The following DLG2 variants were observed in gnomAD, a reference collection of about 807,000 sequenced individuals.
The protein encoded by DLG2 is discs large MAGUK scaffold protein 2, also known as disks large homolog 2.
DLG2 carries 45 observed loss-of-function variants against 132.5 expected under a neutral mutation model. The observed-to-expected ratio is 0.34, with a 90% confidence interval of 0.27 to 0.44. DLG2 has a LOEUF of 0.44. DLG2 is among the 20% of genes least tolerant of loss of function. The pLI is 1.00. For missense variants in DLG2, 1,045 were observed against 1,196.9 expected, an observed-to-expected ratio of 0.87 and a Z score of 1.87; for synonymous variants, 424 against 419.6, an observed-to-expected ratio of 1.01 and a Z score of -0.13.
chr11:83,553,501 T>C (rs534520728), intron 19 of DLG2, among the ~76,000 whole-genome samples: 2,228 of 149,330 alleles, frequency 0.015, 18 homozygotes, highest in Non-Finnish European at 0.021. Flanking sequence ...TGTGTGTGTG[T>C]GTGTGTGTGT....
intron 7 of DLG2, among the ~76,000 whole-genome samples, chr11:84,483,846 T>G (rs1372554699): frequency 1.3e-5 from 2 of 152,182 alleles, no homozygotes; most frequent in African/African-American, 4.8e-5. Flanking sequence ...AGAATATACC[T>G]ATGCAATGGA....
intron 19 of DLG2, among the ~76,000 whole-genome samples, chr11:83,587,233 C>G (rs991671225): frequency 2.0e-5 from 3 of 151,712 alleles, no homozygotes; most frequent in African/African-American, 7.3e-5. Context: ...GCAGCCATAT[C>G]AGCTCCAGTT....
At chr11:84,136,973 G>C (rs2154229489) in intron 9 of DLG2, among the ~76,000 whole-genome samples, 1 of 152,228 alleles carries the variant, frequency 6.6e-6, no homozygotes, top group South Asian at 2.1e-4. Flanking sequence ...AGAACTGAAG[G>C]GAGGAGGCAC....
intron 6 of DLG2, among the ~76,000 whole-genome samples, chr11:85,038,992 A>G (rs2061631138): frequency 6.6e-6 from 1 of 152,030 alleles, no homozygotes; most frequent in Non-Finnish European, 1.5e-5. Flanking sequence ...ACTGTAAAAA[A>G]TAAGAATAGG....
At chr11:85,354,769 G>C (rs928810693) in intron 3 of DLG2, among the ~76,000 whole-genome samples, 1 of 150,386 alleles carries the variant, frequency 6.6e-6, no homozygotes, top group East Asian at 1.9e-4. Context: ...ACACATACAC[G>C]CATGTGCACA....
At chr11:84,931,048 C>G (rs80232059) in intron 6 of DLG2, among the ~76,000 whole-genome samples, 1 of 152,072 alleles carries the variant, frequency 6.6e-6, no homozygotes, top group Non-Finnish European at 1.5e-5. Flanking sequence ...TATCTTCACC[C>G]TCACCCTCCA....
chr11:84,947,801 G>T (rs1025505429), intron 6 of DLG2, among the ~76,000 whole-genome samples: 1 of 152,160 alleles, frequency 6.6e-6, no homozygotes, highest in South Asian at 2.1e-4. Context: ...CATTCTCTCT[G>T]TGTAATTAAT....
intron 6 of DLG2, among the ~76,000 whole-genome samples, chr11:84,779,447 C>T (rs1764241473): frequency 6.6e-6 from 1 of 152,080 alleles, no homozygotes; most frequent in South Asian, 2.1e-4. Context: ...CTTATCAAAT[C>T]TAGGAGTTTT....
At chr11:84,075,687 A>G (rs759132521) in intron 10 of DLG2, among the ~76,000 whole-genome samples, 7 of 152,164 alleles carry the variant, frequency 4.6e-5, no homozygotes, top group Non-Finnish European at 8.8e-5. Context: ...AGGGTAGATG[A>G]TTAGTGATGC....
At chr11:83,998,179 G>A (rs573232286) in intron 11 of DLG2, among the ~76,000 whole-genome samples, 1 of 152,250 alleles carries the variant, frequency 6.6e-6, no homozygotes, top group Admixed American at 6.5e-5. Flanking sequence ...TTAAAGTGGA[G>A]GAGGAGCACA....
chr11:84,001,313 A>G (rs2094333165), intron 11 of DLG2, among the ~76,000 whole-genome samples: 1 of 142,466 alleles, frequency 7.0e-6, no homozygotes, highest in Non-Finnish European at 1.6e-5. Flanking sequence ...TGGATAAAAC[A>G]GACTTCAAGT....
At position 84,209,951 on chromosome 11, in the gene DLG2, A is replaced by G. The variant is rs543970846; in HGVS notation, c.573+41287T>C. ...CTTATAACAGTTAAACATAACACCT[A>G]TCTAAGGATCCAGAAATTCTACTTC... On this transcript the variant is annotated intron_variant, in intron 8 of 27. Coordinates refer to ENST00000376104, the MANE Select transcript of DLG2 (RefSeq NM_001142699.3). Among the ~76,000 whole-genome samples, 6 of 152,290 alleles carry G rather than the reference A, an allele frequency of 3.9e-5. No individual in the cohort carries two copies. The South Asian group carries it at 1.2e-3, about 32-fold the overall frequency.
intron 3 of DLG2, among the ~76,000 whole-genome samples, chr11:85,468,402 T>G (rs969861970): frequency 2.6e-5 from 4 of 152,208 alleles, no homozygotes; most frequent in African/African-American, 9.7e-5. Context: ...AATTGTGATG[T>G]TCGGGTGTCA....
intron 8 of DLG2, among the ~76,000 whole-genome samples, chr11:84,184,086 T>C (rs1177889182): frequency 6.6e-6 from 1 of 152,198 alleles, no homozygotes; most frequent in African/African-American, 2.4e-5. Context: ...TTTGGGTATA[T>C]ACCCAGTAAT....
chr11:84,534,453 G>A (rs539401087), intron 7 of DLG2, 117 bp downstream of exon 7: 57 of 1,040,000 alleles, frequency 5.5e-5, no homozygotes, highest in Admixed American at 4.7e-4. Flanking sequence ...TTGGCAACCC[G>A]TGTCCTCTAT....
chr11:84,686,631 T>C (rs1595750181), intron 6 of DLG2, among the ~76,000 whole-genome samples: 1 of 58,042 alleles, frequency 1.7e-5, no homozygotes, highest in African/African-American at 1.2e-4. Context: ...GGCCTTGAGG[T>C]TTTTTTTTTT....
chr11:84,513,131 C>T (rs370633980), intron 7 of DLG2, among the ~76,000 whole-genome samples: 13 of 151,598 alleles, frequency 8.6e-5, no homozygotes, highest in African/African-American at 3.1e-4. Context: ...GCACATGTAT[C>T]CCAGAACTTA....
intron 21 of DLG2, among the ~76,000 whole-genome samples, chr11:83,519,157 C>T (rs1313778772): frequency 6.6e-6 from 1 of 152,172 alleles, no homozygotes; most frequent in African/African-American, 2.4e-5. Context: ...TGGAGTAAGA[C>T]CCAGATGGGG....
chr11:85,242,457 C>A (rs889521361), intron 4 of DLG2, among the ~76,000 whole-genome samples: 6 of 151,560 alleles, frequency 4.0e-5, no homozygotes, highest in Non-Finnish European at 8.8e-5. Context: ...GTGGAATTTA[C>A]CTTTGTTACT....
Sources: allele counts gnomAD v4.1 joint callset (sites outside exome capture counted in the v4.1 genomes callset), GRCh38; gene constraint gnomAD v4.1.1; transcripts MANE v1.5; gene names NCBI Gene and HGNC (gene_info 2026-07-23, HGNC 2026-07-21).